NEBL: variants seen among roughly 807,000 people sequenced by gnomAD.
The protein encoded by NEBL is nebulette.
In NEBL, 122 loss-of-function variants were observed where a neutral mutation model predicts 140.2. The observed-to-expected ratio is 0.87, with a 90% CI of 0.75 to 1.01. The LOEUF is 1.01. Ranked by LOEUF, NEBL falls within the 50% of genes least tolerant of loss-of-function variation. NEBL has a pLI of 0.00. For synonymous variants in NEBL, 436 were observed against 398.9 expected, an observed-to-expected ratio of 1.09 and a Z score of -1.11; for missense variants, 1,365 against 1,231.3, an observed-to-expected ratio of 1.11 and a Z score of -1.62.
chr10:21,193,395 A>G (rs2132219038), intron 3 of NEBL, among the ~76,000 whole-genome samples: 1 of 152,318 alleles, frequency 6.6e-6, no homozygotes, highest in South Asian at 2.1e-4. Flanking sequence ...GGGGTGCAGG[A>G]GTGATGAGTT....
intron 2 of NEBL, among the ~76,000 whole-genome samples, chr10:21,025,654 C>T (rs663661): frequency 0.4 from 60,364 of 151,992 alleles, 12,989 homozygotes; most frequent in South Asian, 0.62. Context: ...CCCAGAAACA[C>T]TCTCTTTTTA....
chr10:21,011,214 G>A (rs1838325977), intron 3 of NEBL, among the ~76,000 whole-genome samples: 2 of 152,266 alleles, frequency 1.3e-5, no homozygotes, highest in African/African-American at 4.8e-5. Flanking sequence ...AGGGACAGGG[G>A]GAGAGCCCAG....
At chr10:21,235,504 A>T (rs1275406443) in intron 3 of NEBL, among the ~76,000 whole-genome samples, 1 of 152,084 alleles carries the variant, frequency 6.6e-6, no homozygotes, top group Non-Finnish European at 1.5e-5. Flanking sequence ...TGGTAGAGAC[A>T]GGGTTTCGCC....
chr10:21,109,353 T>A (rs955078325), intron 2 of NEBL, among the ~76,000 whole-genome samples: 4 of 152,212 alleles, frequency 2.6e-5, no homozygotes, highest in Admixed American at 2.0e-4. Context: ...TGAAGCTGAC[T>A]TGATCGTGGC....
At chr10:21,206,505 G>A (rs555126502) in intron 3 of NEBL, among the ~76,000 whole-genome samples, 2 of 152,304 alleles carry the variant, frequency 1.3e-5, no homozygotes, top group East Asian at 3.9e-4. Flanking sequence ...CAGGGGGGTA[G>A]AAACTGTGGA....
chr10:20,800,960 A>T (rs1055431926), intron 26 of NEBL, among the ~76,000 whole-genome samples: 17 of 152,290 alleles, frequency 1.1e-4, no homozygotes, highest in African/African-American at 3.1e-4. Context: ...AAATCCAAGG[A>T]AAGTGTGCTG....
Position 21,066,423 on chromosome 10 carries a change from A to T in NEBL, c.165-46222T>A, listed in dbSNP as rs117595353. Among the ~76,000 whole-genome samples, 1,117 of 152,352 alleles carry T rather than the reference A, an allele frequency of 7.3e-3. 41 individuals carry two copies. The East Asian group carries it at 0.089, about 12-fold the overall frequency. On this transcript the variant is annotated intron_variant, in intron 2 of 6. Coordinates refer to the NEBL transcript ENST00000417816. ...AAATGTTTTTCATGCTAATGATTAAAAAATAAAAGTTAAGAAGTAAACAAA... is the reference window on the plus strand; with the variant it reads ...AAATGTTTTTCATGCTAATGATTAATAAATAAAAGTTAAGAAGTAAACAAA...
At chr10:20,895,977 G>A (rs1019083449) in intron 2 of NEBL, among the ~76,000 whole-genome samples, 3 of 152,154 alleles carry the variant, frequency 2.0e-5, no homozygotes, top group African/African-American at 7.2e-5. Context: ...ACCTTCCCAA[G>A]GTTACTGGGG....
chr10:21,055,011 TAAGAGGGAGATG>T (rs1834947028), intron 2 of NEBL, among the ~76,000 whole-genome samples: 2 of 152,172 alleles, frequency 1.3e-5, no homozygotes, highest in Non-Finnish European at 2.9e-5. Context: ...CTGTTTCTGT[TAAGAGGGAGATG>T]AACTTCTACC....
chr10:21,076,009 A>C (rs1826780846), intron 2 of NEBL, among the ~76,000 whole-genome samples: 1 of 152,330 alleles, frequency 6.6e-6, no homozygotes, highest in South Asian at 2.1e-4. Flanking sequence ...TACGATGGTC[A>C]TGATTTTAAA....
chr10:21,029,568 G>T, intron 2 of NEBL: 1 of 1,598,638 alleles, frequency 6.3e-7, no homozygotes, highest in Non-Finnish European at 8.6e-7. Flanking sequence ...ATAGAAATCG[G>T]GATTCTGACA....
intron 26 of NEBL, among the ~76,000 whole-genome samples, chr10:20,807,146 G>A (rs970111150): frequency 3.9e-5 from 6 of 151,970 alleles, no homozygotes; most frequent in African/African-American, 1.2e-4. Context: ...ACAACATTGC[G>A]AGACCCCCGT....
At chr10:21,022,809 T>C (rs1045889246) in intron 2 of NEBL, among the ~76,000 whole-genome samples, 22 of 152,248 alleles carry the variant, frequency 1.4e-4, no homozygotes, top group African/African-American at 4.6e-4. Flanking sequence ...AGATAATTTC[T>C]CACACACAGC....
At chr10:20,894,220 A>G (rs747370715) in intron 2 of NEBL, among the ~76,000 whole-genome samples, 7 of 152,256 alleles carry the variant, frequency 4.6e-5, no homozygotes, top group Non-Finnish European at 8.8e-5. Context: ...CTGTAATCCC[A>G]GCACTCTGGG....
chr10:21,272,118 ATTTTTTTTTTT>A (rs10678454), intron 1 of NEBL, among the ~76,000 whole-genome samples: 3 of 79,096 alleles, frequency 3.8e-5, no homozygotes, highest in South Asian at 5.0e-4. Flanking sequence ...CACTTGGTTA[ATTTTTTTTTTT>A]TTTTTTTTTT....
chr10:20,973,415 T>C (rs1304587799), intron 3 of NEBL, among the ~76,000 whole-genome samples: 1 of 151,992 alleles, frequency 6.6e-6, no homozygotes, highest in Non-Finnish European at 1.5e-5. Context: ...GTCCAGCTAA[T>C]TTTTTCTTCA....
chr10:21,028,056 G>A (rs535282915), intron 2 of NEBL, among the ~76,000 whole-genome samples: 1 of 151,618 alleles, frequency 6.6e-6, no homozygotes, highest in East Asian at 1.9e-4. Context: ...GTGAAACCCT[G>A]TCTCTACTAA....
At chr10:21,057,154 T>C (rs531577000) in intron 2 of NEBL, among the ~76,000 whole-genome samples, 1 of 152,172 alleles carries the variant, frequency 6.6e-6, no homozygotes, top group Non-Finnish European at 1.5e-5. Flanking sequence ...CCAGATCTTA[T>C]GCCGGGCTTT....
chr10:21,210,707 T>C (rs181816410), intron 3 of NEBL, among the ~76,000 whole-genome samples: 2 of 152,244 alleles, frequency 1.3e-5, no homozygotes, highest in African/African-American at 4.8e-5. Flanking sequence ...TCTGGAGTCA[T>C]GCACTAAAGT....
Sources: gnomAD v4.1 joint callset for allele counts (sites outside exome capture counted in the v4.1 genomes callset) on GRCh38, gnomAD v4.1.1 for gene constraint, MANE v1.5 for transcripts, NCBI Gene and HGNC (gene_info 2026-07-23, HGNC 2026-07-21) for gene names.